The following ALG1L2 variants were observed in gnomAD, a reference collection of about 807,000 sequenced individuals.
ALG1L2 encodes the protein ALG1 chitobiosyldiphosphodolichol beta-mannosyltransferase like 2.
A neutral mutation model predicts 29.0 loss-of-function variants in ALG1L2; 32 were observed. That is an observed-to-expected ratio of 1.10 (90% CI 0.83 to 1.48). The LOEUF (loss-of-function observed/expected upper bound fraction) is 1.48. Ranked by LOEUF, ALG1L2 falls within the 40% of genes most tolerant of loss-of-function variation. ALG1L2 has a pLI of 0.00. For missense variants in ALG1L2, 318 were observed against 274.1 expected, an observed-to-expected ratio of 1.16 and a Z score of -1.13; for synonymous variants, 110 against 109.5, an observed-to-expected ratio of 1.00 and a Z score of -0.03.
At chr3:130,085,229 A>C (rs1934865632) in intron 1 of ALG1L2, among the ~76,000 whole-genome samples, 1 of 144,820 alleles carries the variant, frequency 6.9e-6, no homozygotes, top group Non-Finnish European at 1.6e-5. Context: ...CAAACTGCCA[A>C]GATTACAGAC....
At chr3:130,097,004 G>A (rs1309038331) in intron 6 of ALG1L2, among the ~76,000 whole-genome samples, 171 bp from the exon 7 acceptor site, 1 of 152,020 alleles carries the variant, frequency 6.6e-6, no homozygotes, top group African/African-American at 2.4e-5. Flanking sequence ...CCCCCCCCAG[G>A]CTTTTATACC....
At chr3:130,089,969 G>T (rs534911678) in intron 1 of ALG1L2, among the ~76,000 whole-genome samples, 1 of 152,304 alleles carries the variant, frequency 6.6e-6, no homozygotes, top group Non-Finnish European at 1.5e-5. Context: ...TTGATTCCTG[G>T]AGGCAGAAGT....
chr3:130,082,332 T>C lies in ALG1L2; in HGVS notation c.20+296T>C, dbSNP rs1215530830. 2.3e-5 allele frequency among the ~76,000 whole-genome samples: 3 copies of C among 132,378 alleles called. No homozygotes were observed. The East Asian group carries it at 6.2e-4, about 27-fold the overall frequency. The allele number at this position is 132,378 out of a possible 152,430, so 86.8% of individuals were successfully genotyped here. Reference sequence around the variant, plus strand: ...TGTCTTAAAATTCCTCCTCATTTTATGTGTGAATCTATGTTTTGTTTTGTT... The same window carrying C: ...TGTCTTAAAATTCCTCCTCATTTTACGTGTGAATCTATGTTTTGTTTTGTT... On this transcript the variant is annotated intron_variant, in intron 1 of 7. Coordinates refer to ENST00000425059, the MANE Select transcript of ALG1L2 (RefSeq NM_001136152.1).
At chr3:130,089,223 C>T (rs1219901528) in intron 1 of ALG1L2, among the ~76,000 whole-genome samples, 2 of 152,246 alleles carry the variant, frequency 1.3e-5, no homozygotes, top group African/African-American at 4.8e-5. Context: ...AACTGAGGCA[C>T]CTCCACTGGT....
rs182209068 is a variant in ALG1L2 at position 130,091,263 on chromosome 3, C to T, written c.23C>T (p.Ala8Val). Residue 8 changes from alanine to valine, a missense_variant and splice_region_variant, in exon 2 of 8, where the codon GCT (alanine) becomes GTT (valine). By Grantham distance (64) the Ala-to-Val change is moderately conservative. Transcript: ENST00000425059. The part of the protein sequence containing the change: MGATAGW[A>V]VTVYDKPASF... ...GCCCTGCCATGATTTCATTGCAGGG[C>T]TGTGACCGTCTACGACAAGCCGGCA... 4.8e-4 allele frequency: 760 copies of T among 1,599,036 alleles called. 3 individuals are homozygous for T. The African/African-American group carries it at 9.3e-3, about 20-fold the overall frequency.
intron 4 of ALG1L2, among the ~76,000 whole-genome samples, chr3:130,093,671 G>T (rs536657581): frequency 6.6e-6 from 1 of 152,072 alleles, no homozygotes; most frequent in Non-Finnish European, 1.5e-5. Context: ...TGATCCACCC[G>T]CCTTGGCCTC....
chr3:130,083,932 T>C (rs1218542248), intron 1 of ALG1L2, among the ~76,000 whole-genome samples: 1 of 151,252 alleles, frequency 6.6e-6, no homozygotes, highest in East Asian at 1.9e-4. Flanking sequence ...GATTTAGGCA[T>C]GGCTGCAGGG....
At chr3:130,086,837 C>G (rs1470747692) in intron 1 of ALG1L2, among the ~76,000 whole-genome samples, 1 of 150,930 alleles carries the variant, frequency 6.6e-6, no homozygotes, top group Non-Finnish European at 1.5e-5. Flanking sequence ...CACAAGTGGG[C>G]AGACTCTGAC....
Position 130,093,273 on chromosome 3 carries a change from C to T in ALG1L2, c.313+113C>T, listed in dbSNP as rs1375500010. 6.1e-6 allele frequency: 8 copies of T among 1,301,908 alleles called. No individual in the cohort carries two copies. The South Asian group carries it at 8.6e-5, about 14-fold the overall frequency. 80.6% of individuals were successfully genotyped at this position (1,301,908 alleles called of 1,614,324 possible). On this transcript the variant is annotated intron_variant, in intron 4 of 7. Transcript: ENST00000425059. Reference sequence around the variant, plus strand: ...CTTGTCTCCTTAATCCTCACTGCAGCTCTCTGCCATAGGGTCTTACACTGC... The same window carrying T: ...CTTGTCTCCTTAATCCTCACTGCAGTTCTCTGCCATAGGGTCTTACACTGC...
intron 1 of ALG1L2, chr3:130,091,020 G>A (rs1935002109): frequency 5.9e-6 from 3 of 510,302 alleles, no homozygotes; most frequent in Non-Finnish European, 1.1e-5. Context: ...CTTAGACCTA[G>A]CCTGGTGCAA....
At chr3:130,090,002 A>C (rs1167216298) in intron 1 of ALG1L2, among the ~76,000 whole-genome samples, 1 of 152,306 alleles carries the variant, frequency 6.6e-6, no homozygotes, top group Non-Finnish European at 1.5e-5. Context: ...AGATCACGCC[A>C]CTGCACTCCA....
At chr3:130,090,201 C>T (rs1418111116) in intron 1 of ALG1L2, among the ~76,000 whole-genome samples, 2 of 152,278 alleles carry the variant, frequency 1.3e-5, no homozygotes, top group African/African-American at 4.8e-5. Flanking sequence ...ACTAAAAATA[C>T]AAAAATTAGC....
intron 4 of ALG1L2, among the ~76,000 whole-genome samples, chr3:130,093,426 A>G (rs1419067379): frequency 3.1e-5 from 4 of 127,926 alleles, no homozygotes; most frequent in South Asian, 2.5e-4. Context: ...TTGTTATGTC[A>G]TTGGTGTCTT....
At chr3:130,090,441 T>C in intron 1 of ALG1L2, among the ~76,000 whole-genome samples, 1 of 152,302 alleles carries the variant, frequency 6.6e-6, no homozygotes, top group Non-Finnish European at 1.5e-5. Context: ...TACCCTGCAG[T>C]GAGAATTCCC....
chr3:130,089,511 A>G (rs1481505770), intron 1 of ALG1L2: 1 of 152,248 alleles, frequency 6.6e-6, no homozygotes, highest in Non-Finnish European at 1.5e-5. Context: ...AAAAAAGAAC[A>G]TAAAATATCC....
chr3:130,088,546 A>C (rs1934941794), intron 1 of ALG1L2, among the ~76,000 whole-genome samples: 1 of 152,280 alleles, frequency 6.6e-6, no homozygotes, highest in South Asian at 2.1e-4. Context: ...GCCTCCCAAG[A>C]ATCTGGGACA....
intron 5 of ALG1L2, 64 bp downstream of exon 5, chr3:130,094,577 C>CTTTTGGCTGGGGGAACGGGGGGGGGG: frequency 3.5e-6 from 1 of 286,992 alleles, no homozygotes; most frequent in Non-Finnish European, 6.5e-6. Context: ...CAGGGGTGGG[C>CTTTTGGCTGGGGGAACGGGGGGGGGG]GGGGTGTACC....
intron 4 of ALG1L2, 45 bp from the exon 5 acceptor site, chr3:130,094,358 G>T: frequency 6.3e-7 from 1 of 1,576,836 alleles, no homozygotes; most frequent in Non-Finnish European, 8.6e-7. Flanking sequence ...CTATGTGGCA[G>T]GGACAGAGAC....
In ALG1L2 at chr3:130,094,506, G is replaced by T. The variant is rs748974396; in HGVS notation, c.417G>T (p.Pro139=). ...IPWLEGRGLP[P]LLGSVDLDVC... ...GGCTGGAGGGCCGAGGACTACCCCC[G>T]CTTCTAGGTGAGAGGCCAGCAGGAG... The change falls in exon 5 of 8, where the codon CCG becomes CCT. Residue 139 remains proline (P), a synonymous_variant. Transcript: ENST00000425059. 2 of 1,595,168 alleles carry T rather than the reference G, an allele frequency of 1.3e-6. No homozygotes were observed. The highest frequency in any genetic ancestry group is 2.2e-5 in the South Asian group (2 of 90,962).
Sources: gnomAD v4.1 joint callset for allele counts (sites outside exome capture counted in the v4.1 genomes callset) on GRCh38, gnomAD v4.1.1 for gene constraint, MANE v1.5 for transcripts, NCBI Gene and HGNC (gene_info 2026-07-23, HGNC 2026-07-21) for gene names.